Variants in NLGN1 observed in about 807,000 individuals in gnomAD.
NLGN1 encodes the protein neuroligin 1.
A neutral mutation model predicts 65.5 loss-of-function variants in NLGN1; 12 were observed. The ratio of observed to expected loss-of-function variants is 0.18; its 90% CI spans 0.12 to 0.30. NLGN1 has a LOEUF of 0.30. NLGN1 is among the 10% of genes least tolerant of loss of function. The probability of loss-of-function intolerance (pLI) is 1.00; values close to 1 mark genes in which losing one functional copy is unlikely to be tolerated. For synonymous variants in NLGN1, 350 were observed against 359.5 expected, an observed-to-expected ratio of 0.97 and a Z score of 0.30; for missense variants, 750 against 1,007.1, an observed-to-expected ratio of 0.74 and a Z score of 3.46.
chr3:173,403,419 T>C (rs1037376932), intron 1 of NLGN1, among the ~76,000 whole-genome samples: 3 of 152,260 alleles, frequency 2.0e-5, no homozygotes, highest in Middle Eastern at 3.4e-3. Context: ...AGAGATAATA[T>C]GAGAAATGAC....
intron 3 of NLGN1, among the ~76,000 whole-genome samples, chr3:173,672,112 T>A (rs1029457789): frequency 1.3e-5 from 2 of 152,038 alleles, no homozygotes; most frequent in African/African-American, 4.8e-5. Flanking sequence ...AGATAGAGCT[T>A]GCAGTGAGTC....
At chr3:174,025,356 AAATT>A (rs1579842621) in intron 4 of NLGN1, among the ~76,000 whole-genome samples, 1 of 152,194 alleles carries the variant, frequency 6.6e-6, no homozygotes, top group South Asian at 2.1e-4. Context: ...AAACATAAAT[AAATT>A]AAGAGTATGA....
At chr3:173,593,209 G>GA (rs1273026456) in intron 2 of NLGN1, among the ~76,000 whole-genome samples, 1 of 151,832 alleles carries the variant, frequency 6.6e-6, no homozygotes, top group African/African-American at 2.4e-5. Flanking sequence ...TTCCCCCATT[G>GA]AACTTCAGTC....
intron 3 of NLGN1, among the ~76,000 whole-genome samples, chr3:173,657,088 T>TA (rs1231049219): frequency 1.3e-5 from 2 of 152,084 alleles, no homozygotes; most frequent in African/African-American, 4.8e-5. Flanking sequence ...ATGTAGTTTT[T>TA]AAAATCTAAC....
At chr3:173,572,368 T>C (rs1744795148) in intron 2 of NLGN1, among the ~76,000 whole-genome samples, 1 of 152,238 alleles carries the variant, frequency 6.6e-6, no homozygotes, top group Non-Finnish European at 1.5e-5. Flanking sequence ...TTCAGATTTG[T>C]AGTATAAAAA....
chr3:173,812,224 A>T (rs985496480), intron 4 of NLGN1, among the ~76,000 whole-genome samples: 5 of 152,344 alleles, frequency 3.3e-5, no homozygotes, highest in African/African-American at 1.2e-4. Context: ...ACTTATATTT[A>T]AACAATTAGA....
At chr3:173,658,405 G>A (rs1256141502) in intron 3 of NLGN1, among the ~76,000 whole-genome samples, 1 of 151,978 alleles carries the variant, frequency 6.6e-6, no homozygotes, top group Non-Finnish European at 1.5e-5. Flanking sequence ...CAGCAGTTGT[G>A]CTTCAGAGTA....
intron 2 of NLGN1, among the ~76,000 whole-genome samples, chr3:173,542,106 T>G (rs1280218522): frequency 6.6e-6 from 1 of 152,166 alleles, no homozygotes; most frequent in East Asian, 1.9e-4. Flanking sequence ...CCTTATTTAC[T>G]TTGTATTTTT....
intron 4 of NLGN1, among the ~76,000 whole-genome samples, chr3:173,992,791 G>T (rs940127202): frequency 3.9e-5 from 6 of 152,112 alleles, no homozygotes; most frequent in Non-Finnish European, 5.9e-5. Context: ...TCTGTTCATT[G>T]TATGAACCTA....
chr3:173,674,068 G>A (rs781162335), intron 3 of NLGN1, among the ~76,000 whole-genome samples: 3 of 152,042 alleles, frequency 2.0e-5, no homozygotes, highest in Admixed American at 1.3e-4. Context: ...TGAATCGGCC[G>A]TATGTTCCCT....
intron 4 of NLGN1, among the ~76,000 whole-genome samples, chr3:173,916,564 A>G (rs1004254776): frequency 6.6e-6 from 1 of 152,202 alleles, no homozygotes; most frequent in Non-Finnish European, 1.5e-5. Context: ...GCCATTAGAT[A>G]TGGTGCCCTT....
At chr3:173,813,595 T>C (rs941364969) in intron 4 of NLGN1, among the ~76,000 whole-genome samples, 1 of 152,120 alleles carries the variant, frequency 6.6e-6, no homozygotes, top group Non-Finnish European at 1.5e-5. Context: ...TTTGAAAAAG[T>C]GGAAGTAATT....
intron 2 of NLGN1, among the ~76,000 whole-genome samples, chr3:173,590,679 C>T (rs1422527410): frequency 2.0e-5 from 3 of 151,976 alleles, no homozygotes; most frequent in Admixed American, 2.0e-4. Context: ...GTAATGAATA[C>T]CTGGGATCTT....
intron 4 of NLGN1, among the ~76,000 whole-genome samples, chr3:173,878,470 A>G (rs556697337): frequency 6.6e-6 from 1 of 152,252 alleles, no homozygotes; most frequent in East Asian, 1.9e-4. Flanking sequence ...CCTTGAATAT[A>G]TAAGACTTCG....
At chr3:173,950,726 C>G (rs1194389266) in intron 4 of NLGN1, among the ~76,000 whole-genome samples, 1 of 150,926 alleles carries the variant, frequency 6.6e-6, no homozygotes. Context: ...AGCAGAATTG[C>G]TCCAACCCAG....
intron 2 of NLGN1, among the ~76,000 whole-genome samples, chr3:173,452,184 T>C (rs987316050): frequency 1.1e-4 from 16 of 151,552 alleles, no homozygotes; most frequent in Non-Finnish European, 2.4e-4. Flanking sequence ...GCTGTTCCTA[T>C]TCGGCCATCT....
At chr3:174,079,979 C>T (rs1741805399) in intron 4 of NLGN1, among the ~76,000 whole-genome samples, 1 of 152,150 alleles carries the variant, frequency 6.6e-6, no homozygotes, top group African/African-American at 2.4e-5. Flanking sequence ...GTACCACAAA[C>T]CCCCATGACA....
At chr3:173,658,204 C>A (rs1760378548) in intron 3 of NLGN1, among the ~76,000 whole-genome samples, 1 of 151,928 alleles carries the variant, frequency 6.6e-6, no homozygotes, top group Non-Finnish European at 1.5e-5. Context: ...AAAGAGATAT[C>A]GGGTCTTTGC....
intron 4 of NLGN1, among the ~76,000 whole-genome samples, chr3:173,952,406 T>A (rs1748385897): frequency 6.6e-6 from 1 of 152,026 alleles, no homozygotes; most frequent in Non-Finnish European, 1.5e-5. Context: ...CTTCGTGACA[T>A]TTTTTTTATT....
Sources: gnomAD v4.1 joint callset for allele counts (sites outside exome capture counted in the v4.1 genomes callset) on GRCh38, gnomAD v4.1.1 for gene constraint, MANE v1.5 for transcripts, NCBI Gene and HGNC (gene_info 2026-07-23, HGNC 2026-07-21) for gene names.